LRRTM4: variants seen among roughly 807,000 people sequenced by gnomAD.
LRRTM4 encodes the protein leucine-rich repeat transmembrane neuronal protein 4.
LRRTM4 carries 25 observed loss-of-function variants against 47.6 expected under a neutral mutation model. The observed-to-expected ratio is 0.53, with a 90% CI of 0.38 to 0.73. The LOEUF (loss-of-function observed/expected upper bound fraction) is 0.73, where lower values mean the gene tolerates loss of function less well. LRRTM4 is among the 30% of genes least tolerant of loss of function. LRRTM4 has a pLI of 0.00. For missense variants in LRRTM4, 638 were observed against 713.4 expected (o/e 0.89, Z 1.20); for synonymous variants, 311 against 269.5 (o/e 1.15, Z -1.51).
chr2:77,346,462 GTA>G (rs1355439101), intron 3 of LRRTM4, among the ~76,000 whole-genome samples: 2 of 152,070 alleles, frequency 1.3e-5, no homozygotes, highest in Non-Finnish European at 2.9e-5. Context: ...AAGTACTTGT[GTA>G]CACATGTGTG....
chr2:77,477,668 C>G (rs890119621), intron 3 of LRRTM4, among the ~76,000 whole-genome samples: 2 of 151,286 alleles, frequency 1.3e-5, no homozygotes, highest in African/African-American at 4.9e-5. Flanking sequence ...ATGGAGAAAC[C>G]CCGTCTCCAC....
chr2:76,973,028 T>C (rs1676275175), intron 3 of LRRTM4, among the ~76,000 whole-genome samples: 2 of 152,032 alleles, frequency 1.3e-5, no homozygotes, highest in East Asian at 3.9e-4. Context: ...CAAATAAATA[T>C]GGGAATGCTT....
Position 76,894,913 on chromosome 2 carries a change from T to C in LRRTM4, c.1552-145997A>G, listed in dbSNP as rs182467608. Among the ~76,000 whole-genome samples the C allele has an allele frequency of 1.7e-3, 260 of 151,624 alleles. 1 individual carries two copies. Among genetic ancestry groups the C allele is most frequent in the Non-Finnish European group, 2.9e-3 (194 of 67,850 alleles). Reference sequence around the variant, plus strand: ...CATATCTGCACATAGCTATACTAGATACAACTCATTAATAATTTATGCATT... The same window carrying C: ...CATATCTGCACATAGCTATACTAGACACAACTCATTAATAATTTATGCATT... On this transcript the variant is annotated intron_variant, in intron 3 of 3. Coordinates refer to ENST00000409884, the MANE Select transcript of LRRTM4 (RefSeq NM_001134745.3).
At chr2:77,245,773 G>A (rs1675429199) in intron 3 of LRRTM4, among the ~76,000 whole-genome samples, 2 of 152,064 alleles carry the variant, frequency 1.3e-5, no homozygotes, top group South Asian at 2.1e-4. Flanking sequence ...TGAAGCTGTG[G>A]AATAGGAAAG....
At chr2:76,950,685 A>G (rs1249984620) in intron 3 of LRRTM4, among the ~76,000 whole-genome samples, 1 of 151,994 alleles carries the variant, frequency 6.6e-6, no homozygotes, top group African/African-American at 2.4e-5. Flanking sequence ...ATTTGGCTAA[A>G]TTAGGGCCCT....
At chr2:77,477,653 A>G (rs1435301837) in intron 3 of LRRTM4, among the ~76,000 whole-genome samples, 2 of 151,864 alleles carry the variant, frequency 1.3e-5, no homozygotes, top group African/African-American at 4.8e-5. Flanking sequence ...GACCAACCTG[A>G]CCAAATGGAG....
chr2:76,890,997 A>C (rs1673234888), intron 3 of LRRTM4, among the ~76,000 whole-genome samples: 2 of 151,878 alleles, frequency 1.3e-5, no homozygotes, highest in Admixed American at 1.3e-4. Flanking sequence ...GGGTCAGAGG[A>C]ATGATTCCTG....
intron 3 of LRRTM4, among the ~76,000 whole-genome samples, chr2:77,339,372 C>T (rs975765777): frequency 5.9e-5 from 9 of 151,872 alleles, no homozygotes; most frequent in African/African-American, 1.9e-4. Flanking sequence ...AATTATGTTT[C>T]CTAAATTTGT....
chr2:76,778,548 A>T (rs199638275), intron 3 of LRRTM4, among the ~76,000 whole-genome samples: 2 of 150,532 alleles, frequency 1.3e-5, no homozygotes, highest in Non-Finnish European at 2.9e-5. Context: ...TTATTTGCGT[A>T]GAGGTGTTTG....
At chr2:77,335,027 T>G (rs1313756488) in intron 3 of LRRTM4, among the ~76,000 whole-genome samples, 1 of 152,196 alleles carries the variant, frequency 6.6e-6, no homozygotes, top group Non-Finnish European at 1.5e-5. Context: ...CTTCTTTAGC[T>G]TTTTCCTTTT....
rs567801937 is a variant in LRRTM4, at chr2:76,998,698, A to G, written c.1552-249782T>C. 5.3e-5 allele frequency among the ~76,000 whole-genome samples: 8 copies of G among 151,870 alleles called. No individual in the cohort carries two copies. The South Asian group carries it at 1.2e-3, about 24-fold the overall frequency. On this transcript the variant is annotated intron_variant, in intron 3 of 3. Coordinates refer to ENST00000409884, the MANE Select transcript of LRRTM4 (RefSeq NM_001134745.3). ...AAAAAAACCCAAAAAAACAAAAAAC[A>G]CAATGTGACAAAAACAGTCACTGTC...
intron 3 of LRRTM4, among the ~76,000 whole-genome samples, chr2:77,245,552 AGAAG>A (rs1675422061): frequency 6.7e-6 from 1 of 149,614 alleles, no homozygotes; most frequent in Admixed American, 6.7e-5. Flanking sequence ...GAAGAAGAGA[AGAAG>A]AGAAAGTTTA....
At chr2:77,024,190 C>A (rs540919709) in intron 3 of LRRTM4, among the ~76,000 whole-genome samples, 1 of 152,290 alleles carries the variant, frequency 6.6e-6, no homozygotes, top group Admixed American at 6.5e-5. Flanking sequence ...CCTCCCACAA[C>A]ACATGGTAAT....
intron 3 of LRRTM4, among the ~76,000 whole-genome samples, chr2:77,055,038 G>C (rs1679556581): frequency 6.6e-6 from 1 of 152,122 alleles, no homozygotes; most frequent in African/African-American, 2.4e-5. Flanking sequence ...CAAGAGCAGG[G>C]GGAGCCCTGT....
intron 3 of LRRTM4, among the ~76,000 whole-genome samples, chr2:76,934,854 T>C (rs1048996766): frequency 1.3e-5 from 2 of 151,882 alleles, no homozygotes; most frequent in Non-Finnish European, 2.9e-5. Flanking sequence ...ACATAGAAGG[T>C]ATTCAGCAGT....
chr2:76,968,363 T>TAC lies in LRRTM4; in HGVS notation c.1552-219448_1552-219447insGT, dbSNP rs1203203322. Among the ~76,000 whole-genome samples the TAC allele has an allele frequency of 1.7e-3, 224 of 131,816 alleles. 2 individuals are homozygous for TAC. The highest frequency in any genetic ancestry group is 4.8e-3 in the Admixed American group (62 of 13,050). The allele number at this position is 131,816 out of a possible 152,430, so 86.5% of individuals were successfully genotyped here. ...GTGTATATATATATATATATATATA[T>TAC]ATATATATATATATATATATACACA... On this transcript the variant is annotated intron_variant, in intron 3 of 3. Coordinates refer to ENST00000409884, the MANE Select transcript of LRRTM4 (RefSeq NM_001134745.3).
At chr2:77,232,773 T>G (rs1025568111) in intron 3 of LRRTM4, among the ~76,000 whole-genome samples, 10 of 152,192 alleles carry the variant, frequency 6.6e-5, no homozygotes, top group South Asian at 6.2e-4. Flanking sequence ...ATTAGAACTT[T>G]AGGAGAAAAA....
intron 3 of LRRTM4, among the ~76,000 whole-genome samples, chr2:77,298,292 A>T (rs1261046546): frequency 6.6e-6 from 1 of 152,216 alleles, no homozygotes; most frequent in Non-Finnish European, 1.5e-5. Context: ...GCTGGAGTGC[A>T]GTGGCACGAT....
At chr2:76,891,582 A>T (rs1232170100) in intron 3 of LRRTM4, among the ~76,000 whole-genome samples, 1 of 151,738 alleles carries the variant, frequency 6.6e-6, no homozygotes, top group Non-Finnish European at 1.5e-5. Flanking sequence ...TACGAATGAA[A>T]ATTTAGCATT....
Sources: gnomAD v4.1 joint callset for allele counts (sites outside exome capture counted in the v4.1 genomes callset) on GRCh38, gnomAD v4.1.1 for gene constraint, MANE v1.5 for transcripts, NCBI Gene and HGNC (gene_info 2026-07-23, HGNC 2026-07-21) for gene names.